The following LYST variants were observed in gnomAD, a reference collection of about 807,000 sequenced individuals.
LYST encodes lysosomal-trafficking regulator.
Under a neutral mutation model 413.6 loss-of-function variants are expected in LYST, and 192 were observed. The observed-to-expected ratio is 0.46, with a 90% confidence interval of 0.41 to 0.52. The LOEUF (loss-of-function observed/expected upper bound fraction) is 0.52, where lower values mean the gene tolerates loss of function less well. Among genes scored for constraint, LYST ranks in the 20% least tolerant of loss-of-function variants. The pLI, the probability that LYST is intolerant of heterozygous loss-of-function variation, is 0.00. For synonymous variants in LYST, 1,525 were observed against 1,567.3 expected (o/e 0.97, Z 0.64); for missense variants, 3,815 against 4,499.9 (o/e 0.85, Z 4.35).
Position 235,791,917 on chromosome 1 carries a change from C to T in LYST, c.4325G>A (p.Ser1442Asn), listed in dbSNP as rs1271144759. 4 of 1,613,968 alleles carry T rather than the reference C, an allele frequency of 2.5e-6. No homozygotes were observed. Among genetic ancestry groups the T allele is most frequent in the Non-Finnish European group, 3.4e-6 (4 of 1,179,986 alleles). ...AGATGAAAGCAGCCGATGGGGAAAA[C>T]TCTCTCTATCAGCCTCTTTCTTGCT... ...SRSKKEADRE[S>N]FPHRLLSSWH... The change falls in exon 12 of 53, where the codon AGT (serine) becomes AAT (asparagine). Residue 1442 changes from serine (S) to asparagine (N), a missense_variant. This residue lies in a region of LYST where 1,648 missense variants were observed against 1,810.3 expected (regional missense o/e 0.91). Transcript: ENST00000389793.
chr1:235,869,511 T>C (rs1251885525), upstream of LYST, among the ~76,000 whole-genome samples: 1 of 152,178 alleles, frequency 6.6e-6, no homozygotes, highest in Non-Finnish European at 1.5e-5. Flanking sequence ...TACTTACGCA[T>C]GTATCACATG....
At chr1:235,838,322 T>C (rs1676800940) in intron 1 of LYST, among the ~76,000 whole-genome samples, 1 of 152,172 alleles carries the variant, frequency 6.6e-6, no homozygotes, top group Non-Finnish European at 1.5e-5. Context: ...ACCCATACTA[T>C]AATCCAACTC....
In LYST at chr1:235,788,768, A is replaced by T. The variant is rs777283571; in HGVS notation, c.4621T>A (p.Ser1541Thr). The T allele has an allele frequency of 6.2e-6, 10 of 1,613,500 alleles. No individual in the cohort carries two copies. The highest frequency in any genetic ancestry group is 1.7e-5 in the Admixed American group (1 of 60,006). Residue 1541 changes from serine (S) to threonine (T), a missense_variant, in exon 13 of 53, where the codon TCA becomes ACA. Around this residue, in one of 4 missense-constraint regions of LYST, gnomAD observed 1,648 missense variants for 1,810.3 expected, o/e 0.91. Transcript: ENST00000389793. ...ATCATCAACGCTTTGGATCCCAGTGAAATTATATGAATACATCCTTCTTCT... is the reference window on the plus strand; with the variant it reads ...ATCATCAACGCTTTGGATCCCAGTGTAATTATATGAATACATCCTTCTTCT... ...LIEEGCIHIISLGSKALMIQV... is the reference protein window; with the variant it reads ...LIEEGCIHIITLGSKALMIQV...
intron 26 of LYST, among the ~76,000 whole-genome samples, 200 bp from the exon 27 acceptor site, chr1:235,752,371 C>T (rs889377601): frequency 6.6e-6 from 1 of 152,070 alleles, no homozygotes; most frequent in Non-Finnish European, 1.5e-5. Context: ...AAATAAGATA[C>T]ACTTTGACAC....
In LYST at chr1:235,720,601, AAT is replaced by A. The variant is rs1663276730; in HGVS notation, c.9560+58_9560+59del. 1.4e-5 allele frequency: 22 copies of A among 1,558,138 alleles called. No homozygotes were observed. The Admixed American group carries it at 3.7e-4, about 26-fold the overall frequency. On this transcript the variant is annotated intron_variant, in intron 40 of 52. Coordinates refer to ENST00000389793, the MANE Select transcript of LYST (RefSeq NM_000081.4). ...TGAAATTTTTCATAATGAAAACTTT[AAT>A]AAAGAAATACAACATATGGATGGAT...
upstream of LYST, among the ~76,000 whole-genome samples, chr1:235,868,617 C>T (rs1680770814): frequency 6.6e-6 from 1 of 152,080 alleles, no homozygotes; most frequent in South Asian, 2.1e-4. Flanking sequence ...ATACAATTGG[C>T]CCTCAAAGTA....
chr1:235,797,440 C>T (rs1234656538), intron 10 of LYST, among the ~76,000 whole-genome samples: 1 of 152,116 alleles, frequency 6.6e-6, no homozygotes, highest in Non-Finnish European at 1.5e-5. Context: ...CACTTTGTTT[C>T]TATTATCTTC....
At chr1:235,720,929 A>C (rs1236744136) in intron 39 of LYST, 24 bp from the exon 40 acceptor site, 2 of 1,610,538 alleles carry the variant, frequency 1.2e-6, no homozygotes, top group African/African-American at 1.3e-5. Context: ...AGAAGAAAAA[A>C]ACCCAGATAT....
At chr1:235,698,822 G>A (rs181823978) in intron 45 of LYST, among the ~76,000 whole-genome samples, 27 of 152,098 alleles carry the variant, frequency 1.8e-4, no homozygotes, top group South Asian at 2.1e-4. Context: ...GCAGTAAGCC[G>A]AGATCACGCC....
chr1:235,691,848 C>T (rs1660680777), intron 47 of LYST, among the ~76,000 whole-genome samples: 1 of 151,602 alleles, frequency 6.6e-6, no homozygotes, highest in African/African-American at 2.4e-5. Flanking sequence ...CAGGTGCCCA[C>T]CACCATGCGT....
chr1:235,794,571 T>C (rs1483362747), intron 10 of LYST, among the ~76,000 whole-genome samples: 2 of 152,206 alleles, frequency 1.3e-5, no homozygotes, highest in Admixed American at 1.3e-4. Context: ...ATCTCCACTT[T>C]GACCTGAAAG....
intron 1 of LYST, among the ~76,000 whole-genome samples, chr1:235,834,919 A>C (rs61837695): frequency 6.6e-6 from 1 of 151,896 alleles, no homozygotes; most frequent in Non-Finnish European, 1.5e-5. Flanking sequence ...AATATCATGC[A>C]AATTTTTTTT....
intron 41 of LYST, among the ~76,000 whole-genome samples, chr1:235,716,395 G>A (rs914729478): frequency 1.3e-5 from 2 of 152,068 alleles, no homozygotes; most frequent in Non-Finnish European, 2.9e-5. Context: ...ATAACACTAG[G>A]GGATACGAAT....
intron 20 of LYST, 102 bp downstream of exon 20, chr1:235,770,058 A>G: frequency 1.8e-6 from 2 of 1,085,010 alleles, no homozygotes; most frequent in Non-Finnish European, 1.4e-6. Flanking sequence ...GAAAAAAAAA[A>G]GAAAAAAAGT....
At chr1:235,683,455 T>C (rs1421736200) in intron 48 of LYST, among the ~76,000 whole-genome samples, 1 of 152,238 alleles carries the variant, frequency 6.6e-6, no homozygotes, top group Admixed American at 6.5e-5. Context: ...TTAGAAGATA[T>C]TCTCCTCTAA....
At chr1:235,722,332 C>A (rs191292881) in intron 39 of LYST, among the ~76,000 whole-genome samples, 24 of 152,298 alleles carry the variant, frequency 1.6e-4, no homozygotes, top group African/African-American at 5.8e-4. Flanking sequence ...ATCCAACATA[C>A]TTTAGCTGCT....
intron 44 of LYST, among the ~76,000 whole-genome samples, chr1:235,706,216 G>C (rs1366353589): frequency 6.6e-6 from 1 of 152,134 alleles, no homozygotes; most frequent in Non-Finnish European, 1.5e-5. Context: ...TCGTACCCTG[G>C]CATACTGAAG....
intron 29 of LYST, among the ~76,000 whole-genome samples, chr1:235,745,488 A>G (rs555985693): frequency 9.2e-5 from 14 of 152,228 alleles, no homozygotes; most frequent in African/African-American, 3.4e-4. Flanking sequence ...ATGTAAAACT[A>G]CAGCCACTCT....
At position 235,787,379 on chromosome 1, in the gene LYST, G is replaced by C. The variant is rs1185055965; in HGVS notation, c.4689-6C>G. 3 of 1,612,684 alleles carry C rather than the reference G, an allele frequency of 1.9e-6. No homozygotes were observed. The Middle Eastern group carries it at 5.0e-4, about 266-fold the overall frequency. On this transcript the variant is annotated splice_polypyrimidine_tract_variant and splice_region_variant and intron_variant, in intron 13 of 52. Transcript: ENST00000389793. The stretch of plus-strand genomic sequence containing the variant: ...CATTTGAATCCATGCACACACTACA[G>C]AAAAAGAGAAAAGGCATAGGCTGAA...
Sources: allele counts gnomAD v4.1 joint callset (sites outside exome capture counted in the v4.1 genomes callset), GRCh38; gene constraint gnomAD v4.1.1; regional missense constraint gnomAD v4.1.1; transcripts MANE v1.5; gene names NCBI Gene and HGNC (gene_info 2026-07-23, HGNC 2026-07-21).